The following RIMS1 variants were observed in gnomAD, a reference collection of about 807,000 sequenced individuals.
RIMS1 encodes the protein regulating synaptic membrane exocytosis 1.
Under a neutral mutation model 214.1 loss-of-function variants are expected in RIMS1, and 83 were observed. The ratio of observed to expected loss-of-function variants is 0.39; its 90% CI spans 0.32 to 0.47. RIMS1 has a LOEUF of 0.47. RIMS1 is among the 20% of genes least tolerant of loss of function. The pLI is 0.99. For missense variants in RIMS1, 2,050 were observed against 2,161.8 expected, an observed-to-expected ratio of 0.95 and a Z score of 1.03; for synonymous variants, 793 against 786.8, an observed-to-expected ratio of 1.01 and a Z score of -0.13.
intron 2 of RIMS1, among the ~76,000 whole-genome samples, chr6:72,010,112 C>T (rs1809794342): frequency 6.6e-6 from 1 of 152,142 alleles, no homozygotes; most frequent in Non-Finnish European, 1.5e-5. Flanking sequence ...TCCAGCAACA[C>T]ATCAAAAAGC....
intron 6 of RIMS1, chr6:72,216,317 C>G (rs2056003960): frequency 3.5e-6 from 1 of 284,994 alleles, no homozygotes; most frequent in East Asian, 1.7e-4. Context: ...CAAAAATATG[C>G]ATCTTTAAAA....
At chr6:72,008,296 C>T (rs989546443) in intron 2 of RIMS1, among the ~76,000 whole-genome samples, 5 of 152,168 alleles carry the variant, frequency 3.3e-5, no homozygotes, top group African/African-American at 1.2e-4. Flanking sequence ...CACCACCAGG[C>T]CTGCCTTAAA....
chr6:71,967,260 C>T (rs1353195614), intron 1 of RIMS1, among the ~76,000 whole-genome samples: 3 of 151,940 alleles, frequency 2.0e-5, no homozygotes, highest in South Asian at 2.1e-4. Flanking sequence ...TGGTGGTGGG[C>T]GCCTGTAGTC....
chr6:72,136,685 C>G (rs2041333310), intron 4 of RIMS1, among the ~76,000 whole-genome samples: 1 of 151,996 alleles, frequency 6.6e-6, no homozygotes, highest in Non-Finnish European at 1.5e-5. Flanking sequence ...ATAATATTTA[C>G]TTTAGGAAGA....
chr6:72,231,761 A>T (rs1037308311), intron 6 of RIMS1, among the ~76,000 whole-genome samples: 1 of 151,710 alleles, frequency 6.6e-6, no homozygotes, highest in Non-Finnish European at 1.5e-5. Context: ...TCTTACCCAG[A>T]AACATCAGCT....
At chr6:72,212,567 C>T (rs1251346822) in intron 6 of RIMS1, among the ~76,000 whole-genome samples, 1 of 151,360 alleles carries the variant, frequency 6.6e-6, no homozygotes, top group Non-Finnish European at 1.5e-5. Flanking sequence ...TGAACAAAAG[C>T]AGAAGAGTTA....
intron 2 of RIMS1, among the ~76,000 whole-genome samples, chr6:72,044,124 A>T (rs563599122): frequency 1.4e-4 from 22 of 151,894 alleles, no homozygotes; most frequent in Admixed American, 4.6e-4. Context: ...AAAACTTTTC[A>T]AATATGCTAA....
At chr6:71,917,248 T>C (rs1416630723) in intron 1 of RIMS1, among the ~76,000 whole-genome samples, 4 of 152,146 alleles carry the variant, frequency 2.6e-5, no homozygotes, top group Non-Finnish European at 5.9e-5. Flanking sequence ...TATGTATCAT[T>C]ATATGAGGTA....
intron 4 of RIMS1, among the ~76,000 whole-genome samples, chr6:72,133,351 C>A (rs537303040): frequency 4.6e-5 from 7 of 151,034 alleles, no homozygotes; most frequent in Admixed American, 4.6e-4. Flanking sequence ...TTGTAGAATG[C>A]GTTAGAAAAA....
intron 1 of RIMS1, among the ~76,000 whole-genome samples, chr6:71,889,967 G>A (rs1769103758): frequency 6.6e-6 from 1 of 152,138 alleles, no homozygotes; most frequent in Non-Finnish European, 1.5e-5. Context: ...TATTGGTGCA[G>A]AACTATCTCC....
At chr6:72,317,002 G>C in intron 28 of RIMS1, 4 of 511,008 alleles carry the variant, frequency 7.8e-6, no homozygotes, top group South Asian at 6.8e-5. Flanking sequence ...CTGCTGGGAA[G>C]CCTCCCCCTC....
At chr6:72,261,190 T>C (rs1039805185) in intron 19 of RIMS1, 3 of 1,016,400 alleles carry the variant, frequency 3.0e-6, no homozygotes, top group Non-Finnish European at 3.5e-6. Flanking sequence ...CCTTTTTTAA[T>C]TTCCTTTTAG....
At chr6:72,227,127 T>C (rs949416429) in intron 6 of RIMS1, among the ~76,000 whole-genome samples, 7 of 152,052 alleles carry the variant, frequency 4.6e-5, no homozygotes, top group South Asian at 2.1e-4. Flanking sequence ...ATAAGTGTTA[T>C]ATGAATATGA....
chr6:72,083,251 C>G (rs574770621), intron 2 of RIMS1, among the ~76,000 whole-genome samples: 1 of 152,220 alleles, frequency 6.6e-6, no homozygotes, highest in Admixed American at 6.5e-5. Context: ...GTGATTCAGC[C>G]AATTTACATT....
chr6:72,257,021 G>T (rs1255493021), intron 16 of RIMS1, among the ~76,000 whole-genome samples: 1 of 151,896 alleles, frequency 6.6e-6, no homozygotes, highest in African/African-American at 2.4e-5. Context: ...TAAGATCATG[G>T]ATTCACAATA....
chr6:71,916,811 A>C (rs1053085905), intron 1 of RIMS1, among the ~76,000 whole-genome samples: 23 of 152,266 alleles, frequency 1.5e-4, no homozygotes, highest in African/African-American at 5.1e-4. Context: ...GTAATTAAGT[A>C]AGTCAGTTAA....
chr6:72,301,306 T>TA (rs1443923158), intron 26 of RIMS1, among the ~76,000 whole-genome samples: 1 of 151,742 alleles, frequency 6.6e-6, no homozygotes, highest in African/African-American at 2.4e-5. Flanking sequence ...CAAAATATTT[T>TA]AAAATTTAAT....
chr6:72,394,779 A>G (rs1406131435), intron 31 of RIMS1, among the ~76,000 whole-genome samples: 1 of 152,092 alleles, frequency 6.6e-6, no homozygotes, highest in Non-Finnish European at 1.5e-5. Flanking sequence ...GGTCTAAAAC[A>G]GAATTATAAA....
chr6:72,131,521 T>C (rs2040434712), intron 4 of RIMS1, among the ~76,000 whole-genome samples: 1 of 151,732 alleles, frequency 6.6e-6, no homozygotes, highest in East Asian at 1.9e-4. Flanking sequence ...ATTAGGGACT[T>C]TCAAAAGGGG....
Sources: gnomAD v4.1 joint callset for allele counts (sites outside exome capture counted in the v4.1 genomes callset) on GRCh38, gnomAD v4.1.1 for gene constraint, MANE v1.5 for transcripts, NCBI Gene and HGNC (gene_info 2026-07-23, HGNC 2026-07-21) for gene names.